Variants in CDC42BPA observed in about 807,000 individuals in gnomAD.
CDC42BPA encodes the protein CDC42 binding protein kinase alpha.
In CDC42BPA, 80 loss-of-function variants were observed where a neutral mutation model predicts 223.5. The ratio of observed to expected loss-of-function variants is 0.36; its 90% CI spans 0.30 to 0.43. The LOEUF (loss-of-function observed/expected upper bound fraction) is 0.43. Ranked by LOEUF, CDC42BPA falls within the 20% of genes least tolerant of loss-of-function variation. The pLI, the probability that CDC42BPA is intolerant of heterozygous loss-of-function variation, is 1.00. For synonymous variants in CDC42BPA, 694 were observed against 718.6 expected, an observed-to-expected ratio of 0.97 and a Z score of 0.55; for missense variants, 1,743 against 2,099.9, an observed-to-expected ratio of 0.83 and a Z score of 3.32.
At chr1:227,249,252 C>T (rs1681541937) in intron 2 of CDC42BPA, among the ~76,000 whole-genome samples, 1 of 152,082 alleles carries the variant, frequency 6.6e-6, no homozygotes. Context: ...AAATTTGATC[C>T]CTATCTCTCA....
chr1:227,262,563 G>A (rs1189159723), intron 1 of CDC42BPA, among the ~76,000 whole-genome samples: 2 of 152,080 alleles, frequency 1.3e-5, no homozygotes, highest in African/African-American at 4.8e-5. Flanking sequence ...TGTTCTAAAG[G>A]ATACTAAGAA....
chr1:227,112,774 A>T lies in CDC42BPA; in HGVS notation c.1787T>A (p.Leu596His). The T allele has an allele frequency of 6.2e-7, 1 of 1,613,954 alleles. No homozygotes were observed. ...LTELHTQKQK[L>H]ARHVRDKEEE... ...TTCCTTATCTCGGACATGGCGAGCA[A>T]GTTTCTGTTTTTGGGTGTGCAATTC... The change falls in exon 13 of 37, where the codon CTT becomes CAT. Residue 596 changes from leucine (L) to histidine (H), a missense_variant. Around this residue, in one of 6 missense-constraint regions of CDC42BPA, gnomAD observed 464 missense variants for 488.0 expected, o/e 0.95. Coordinates refer to ENST00000366766, the MANE Select transcript of CDC42BPA (RefSeq NM_001394014.1).
At chr1:227,196,501 G>A (rs1403597381) in intron 4 of CDC42BPA, among the ~76,000 whole-genome samples, 3 of 151,450 alleles carry the variant, frequency 2.0e-5, no homozygotes, top group Non-Finnish European at 2.9e-5. Flanking sequence ...CACCACACCC[G>A]GCTAATTTTT....
intron 16 of CDC42BPA, among the ~76,000 whole-genome samples, chr1:227,081,555 C>G (rs575601064): frequency 6.6e-6 from 1 of 151,612 alleles, no homozygotes; most frequent in African/African-American, 2.4e-5. Flanking sequence ...CGGGTTCAAG[C>G]GATTCTCCTG....
At chr1:227,279,520 A>G (rs893587959) in intron 1 of CDC42BPA, among the ~76,000 whole-genome samples, 1 of 152,114 alleles carries the variant, frequency 6.6e-6, no homozygotes, top group Non-Finnish European at 1.5e-5. Flanking sequence ...ATATTTAACT[A>G]TCATTTTCTT....
At chr1:227,251,652 T>G (rs905678560) in intron 2 of CDC42BPA, among the ~76,000 whole-genome samples, 2 of 152,088 alleles carry the variant, frequency 1.3e-5, no homozygotes, top group Non-Finnish European at 2.9e-5. Flanking sequence ...CACTCCATAA[T>G]AGCGAATGAG....
At position 227,160,858 on chromosome 1, in the gene CDC42BPA, G is replaced by A. The variant is rs1009755026; in HGVS notation, c.600-222C>T. Among the ~76,000 whole-genome samples the A allele has an allele frequency of 1.2e-4, 18 of 151,974 alleles. 1 individual carries two copies. The highest frequency in any genetic ancestry group is 2.2e-4 in the Non-Finnish European group (15 of 67,980). The stretch of plus-strand genomic sequence containing the variant: ...TTCTTCTAGAGATAAAAAGTAGTGT[G>A]GTAATTTTCATTCTGGTTAAATTAA... On this transcript the variant is annotated intron_variant, in intron 5 of 36. Coordinates refer to ENST00000366766, the MANE Select transcript of CDC42BPA (RefSeq NM_001394014.1).
intron 6 of CDC42BPA, 110 bp from the exon 7 acceptor site, chr1:227,147,669 T>C: frequency 1.8e-6 from 1 of 556,848 alleles, no homozygotes; most frequent in South Asian, 3.6e-5. Flanking sequence ...ATCTTTGTCA[T>C]TATCTGAAAA....
chr1:227,185,613 G>A (rs1330599190), intron 5 of CDC42BPA, among the ~76,000 whole-genome samples: 1 of 152,128 alleles, frequency 6.6e-6, no homozygotes, highest in African/African-American at 2.4e-5. Flanking sequence ...GATACTACCT[G>A]AAAGTGGGGT....
At chr1:227,189,819 T>C (rs1434665319) in intron 5 of CDC42BPA, among the ~76,000 whole-genome samples, 1 of 152,194 alleles carries the variant, frequency 6.6e-6, no homozygotes, top group Non-Finnish European at 1.5e-5. Context: ...GAGTATCTCC[T>C]TCCTTAAACA....
intron 1 of CDC42BPA, among the ~76,000 whole-genome samples, chr1:227,303,375 A>T (rs1389741793): frequency 6.6e-6 from 1 of 152,222 alleles, no homozygotes; most frequent in African/African-American, 2.4e-5. Context: ...AGAAGTAAAT[A>T]CAAATTTACT....
chr1:227,118,047 A>G (rs1688050018), intron 12 of CDC42BPA, among the ~76,000 whole-genome samples: 1 of 152,228 alleles, frequency 6.6e-6, no homozygotes, highest in South Asian at 2.1e-4. Context: ...GAGAAATGCA[A>G]ATTAAGACCA....
intron 35 of CDC42BPA, among the ~76,000 whole-genome samples, chr1:227,001,214 G>A (rs1662768251): frequency 6.6e-6 from 1 of 152,184 alleles, no homozygotes; most frequent in African/African-American, 2.4e-5. Context: ...CTCTTGGCTG[G>A]CTGTCCTTCT....
At chr1:227,004,456 A>G (rs1337346986) in intron 35 of CDC42BPA, 1 of 159,724 alleles carries the variant, frequency 6.3e-6, no homozygotes, top group Admixed American at 5.8e-5. Flanking sequence ...TCCCTACTTA[A>G]AAGTCTTCCT....
chr1:227,209,931 G>A (rs1384364508), intron 3 of CDC42BPA, among the ~76,000 whole-genome samples: 6 of 149,704 alleles, frequency 4.0e-5, no homozygotes, highest in Non-Finnish European at 3.0e-5. Flanking sequence ...CAGAAGGAAT[G>A]GTACCAGTTC....
intron 1 of CDC42BPA, among the ~76,000 whole-genome samples, chr1:227,266,308 G>A (rs961253442): frequency 3.3e-5 from 5 of 152,024 alleles, no homozygotes; most frequent in Non-Finnish European, 5.9e-5. Flanking sequence ...GCCCTTTCTC[G>A]AATGCTCTCT....
At chr1:227,248,213 T>A (rs901075047) in intron 2 of CDC42BPA, among the ~76,000 whole-genome samples, 1 of 152,222 alleles carries the variant, frequency 6.6e-6, no homozygotes, top group Admixed American at 6.5e-5. Flanking sequence ...GAGAAAGATA[T>A]CAATATTCAA....
At chr1:227,065,097 A>AAAAT (rs61601477) in intron 21 of CDC42BPA, among the ~76,000 whole-genome samples, 39,133 of 148,672 alleles carry the variant, frequency 0.26, 5,412 homozygotes, top group East Asian at 0.46. Context: ...ACTCCATCTC[A>AAAAT]AAATAAATAA....
At chr1:227,145,218 G>A (rs1431217333) in intron 8 of CDC42BPA, among the ~76,000 whole-genome samples, 1 of 152,032 alleles carries the variant, frequency 6.6e-6, no homozygotes, top group Non-Finnish European at 1.5e-5. Flanking sequence ...TATCTAATTT[G>A]TTCTCTTACG....
Sources: gnomAD v4.1 joint callset for allele counts (sites outside exome capture counted in the v4.1 genomes callset) on GRCh38, gnomAD v4.1.1 for gene constraint, gnomAD v4.1.1 regional missense constraint, MANE v1.5 for transcripts, NCBI Gene and HGNC (gene_info 2026-07-23, HGNC 2026-07-21) for gene names.